The following NEB variants were observed in gnomAD, a reference collection of about 807,000 sequenced individuals.
The protein encoded by NEB is nebulin, also known as nemaline myopathy type 2.
Under a neutral mutation model 952.2 loss-of-function variants are expected in NEB, and 512 were observed. The ratio of observed to expected loss-of-function variants is 0.54; its 90% CI spans 0.50 to 0.58. NEB has a LOEUF of 0.58. NEB is among the 20% of genes least tolerant of loss of function. The probability of loss-of-function intolerance (pLI) is 0.00; values close to 1 mark genes in which losing one functional copy is unlikely to be tolerated. For synonymous variants in NEB, 2,900 were observed against 3,149.8 expected (o/e 0.92, Z 2.66); for missense variants, 8,428 against 9,231.1 (o/e 0.91, Z 3.56).
chr2:151,563,509 C>T (rs1166341725), intron 119 of NEB, 97 bp downstream of exon 119: 7 of 1,048,230 alleles, frequency 6.7e-6, no homozygotes, highest in Non-Finnish European at 1.0e-5. Flanking sequence ...TACTCCATTT[C>T]CCAGCTAACC....
At position 151,524,563 on chromosome 2, in the gene NEB, A is replaced by T; in HGVS notation, c.22326T>A (p.Asp7442Glu). 6.2e-7 allele frequency: 1 copy of T among 1,608,978 alleles called. No individual in the cohort carries two copies. The highest frequency in any genetic ancestry group is 8.5e-7 in the Non-Finnish European group (1 of 1,178,366). ...KENLHYTTVA[D>E]RPDIKKATQA... is the part of the protein sequence containing the mutation. ...GTGTGGCCTTCTTGATGTCTGGTCG[A>T]TCAGCCACTGTGGTGTAATGCAGGT... The change falls in exon 152 of 182, where the codon GAT (aspartate) becomes GAA (glutamate). Residue 7442 changes from aspartate (D) to glutamate (E), a missense_variant. Physicochemically the swap from Asp to Glu is conservative, Grantham distance 45. Transcript: ENST00000397345.
rs115761880 is a variant in NEB, at chr2:151,532,119, C to T, written c.21418-223G>A. On this transcript the variant is annotated intron_variant, in intron 143 of 181. Coordinates refer to ENST00000397345, the MANE Select transcript of NEB (RefSeq NM_001164508.2). ...TTCCTTTTTTTGTTTCCCTCCGAGA[C>T]GGAGTCTTACTCTGTCACCCAGGCT... 6.7e-3 allele frequency: 2,649 copies of T among 395,622 alleles called. 11 individuals carry two copies. The highest frequency in any genetic ancestry group is 9.7e-3 in the Non-Finnish European group (2,106 of 217,626). The allele number at this position is 395,622 out of a possible 1,614,324, so 24.5% of individuals were successfully genotyped here.
At chr2:151,701,720 A>G (rs1279410774) in intron 13 of NEB, among the ~76,000 whole-genome samples, 2 of 150,220 alleles carry the variant, frequency 1.3e-5, no homozygotes, top group Non-Finnish European at 3.0e-5. Flanking sequence ...TATCCCCTTT[A>G]TCATTTTTTA....
intron 29 of NEB, 32 bp from the exon 30 acceptor site, chr2:151,680,860 C>A (rs2099409138): frequency 2.0e-6 from 3 of 1,496,912 alleles, no homozygotes; most frequent in Non-Finnish European, 2.8e-6. Flanking sequence ...GAAAAACAAT[C>A]TTGTTTTCCA....
Position 151,643,318 on chromosome 2 carries a change from G to A in NEB, c.7992C>T (p.Gly2664=). The A allele has an allele frequency of 1.9e-6, 3 of 1,613,876 alleles. No homozygotes were observed. The highest frequency in any genetic ancestry group is 2.5e-6 in the Non-Finnish European group (3 of 1,179,838). The change falls in exon 58 of 182, where the codon GGC becomes GGT. Residue 2664 remains glycine (G), a synonymous_variant. Coordinates refer to ENST00000397345, the MANE Select transcript of NEB (RefSeq NM_001164508.2). ...LYKSDLQWLK[G]IGWMTSGSLE... Reference sequence around the variant, plus strand: ...GAGAACCACTAGTCATCCAGCCAATGCCTTTTAGCCACTGAAGGTCTGACT... The same window carrying A: ...GAGAACCACTAGTCATCCAGCCAATACCTTTTAGCCACTGAAGGTCTGACT...
At chr2:151,648,484 G>A (rs934236650) in intron 54 of NEB, among the ~76,000 whole-genome samples, 1 of 152,150 alleles carries the variant, frequency 6.6e-6, no homozygotes, top group African/African-American at 2.4e-5. Context: ...GGGGGCACAA[G>A]AGCAATTGCA....
intron 131 of NEB, among the ~76,000 whole-genome samples, chr2:151,547,995 A>G: frequency 6.6e-6 from 1 of 152,168 alleles, no homozygotes; most frequent in East Asian, 1.9e-4. Flanking sequence ...TTGGTGTAGA[A>G]AACCAGGATC....
intron 133 of NEB, among the ~76,000 whole-genome samples, chr2:151,546,981 T>C (rs894197148): frequency 6.6e-6 from 1 of 152,106 alleles, no homozygotes; most frequent in Non-Finnish European, 1.5e-5. Flanking sequence ...ATAACATTGA[T>C]TGGAGAAAAG....
intron 9 of NEB, among the ~76,000 whole-genome samples, chr2:151,721,351 G>A (rs987353249): frequency 6.6e-6 from 1 of 152,056 alleles, no homozygotes; most frequent in Admixed American, 6.6e-5. Flanking sequence ...AGGTCCTGCT[G>A]CCGGCATTCT....
At chr2:151,646,377 G>A in intron 54 of NEB, 143 bp from the exon 55 acceptor site, 2 of 670,702 alleles carry the variant, frequency 3.0e-6, no homozygotes, top group Non-Finnish European at 5.1e-6. Flanking sequence ...GCAGAAAATA[G>A]ATGCAATATT....
intron 179 of NEB, 60 bp from the exon 180 acceptor site, chr2:151,490,578 C>CT: frequency 6.4e-7 from 1 of 1,554,732 alleles, no homozygotes. Flanking sequence ...GTAGTAATGC[C>CT]TAACAGTGAT....
rs148706867 is a variant in NEB at position 151,615,442 on chromosome 2, C to T, written c.11289+560G>A. On this transcript the variant is annotated intron_variant, in intron 76 of 181. Coordinates refer to ENST00000397345, the MANE Select transcript of NEB (RefSeq NM_001164508.2). ...AGAAAAGGAGTAGAGAAGAGGCAAGCGGGTACTGAGAAAAAGCTCTGCTTA... is the reference window on the plus strand; with the variant it reads ...AGAAAAGGAGTAGAGAAGAGGCAAGTGGGTACTGAGAAAAAGCTCTGCTTA... 1.2e-3 allele frequency among the ~76,000 whole-genome samples: 179 copies of T among 152,244 alleles called. 1 individual carries two copies. The South Asian group carries it at 0.029, about 24-fold the overall frequency.
At chr2:151,691,286 CCT>C (rs1402663845) in intron 23 of NEB, among the ~76,000 whole-genome samples, 1 of 152,218 alleles carries the variant, frequency 6.6e-6, no homozygotes, top group East Asian at 1.9e-4. Flanking sequence ...CTGCTGTTCC[CCT>C]GACCTTGGCC....
chr2:151,500,340 A>G (rs2063477454), intron 168 of NEB, among the ~76,000 whole-genome samples: 1 of 152,046 alleles, frequency 6.6e-6, no homozygotes, highest in South Asian at 2.1e-4. Flanking sequence ...ATCCATCTAA[A>G]TTTTCCTAAT....
At chr2:151,550,610 A>C (rs2095260840) in intron 129 of NEB, among the ~76,000 whole-genome samples, 1 of 152,132 alleles carries the variant, frequency 6.6e-6, no homozygotes, top group African/African-American at 2.4e-5. Context: ...AGGATTAAGA[A>C]TTACATTTAA....
intron 39 of NEB, 134 bp downstream of exon 39, chr2:151,668,893 A>G (rs940520768): frequency 3.3e-6 from 2 of 610,454 alleles, no homozygotes; most frequent in Admixed American, 3.2e-5. Context: ...CTCATGTTGC[A>G]TGGTTAAGGG....
At position 151,689,738 on chromosome 2, in the gene NEB, G is replaced by A. The variant is rs527693892; in HGVS notation, c.2310+989C>T. Reference sequence around the variant, plus strand: ...AGTGACTGTGACCACATACAGCACTGTATTTCTCTGCAGCTTGCTGAGTTC... The same window carrying A: ...AGTGACTGTGACCACATACAGCACTATATTTCTCTGCAGCTTGCTGAGTTC... On this transcript the variant is annotated intron_variant, in intron 24 of 181. Coordinates refer to ENST00000397345, the MANE Select transcript of NEB (RefSeq NM_001164508.2). 186 of 152,260 alleles carry A rather than the reference G, an allele frequency of 1.2e-3. 2 individuals carry two copies. Among genetic ancestry groups the A allele is most frequent in the African/African-American group, 3.9e-3 (164 of 41,532 alleles). 9.4% of individuals were successfully genotyped at this position (152,260 alleles called of 1,614,324 possible). A position where few individuals can be genotyped will look rare whatever the true frequency, so the allele number is the denominator to read the frequency against.
At chr2:151,525,073 G>C in intron 151 of NEB, 90 bp downstream of exon 151, 1 of 962,174 alleles carries the variant, frequency 1.0e-6, no homozygotes. Flanking sequence ...AGAGGAATTA[G>C]AGTGACCACA....
At position 151,546,013 on chromosome 2, in the gene NEB, A is replaced by AAC. The variant is rs1334735748; in HGVS notation, c.20467-16_20467-15insGT. On this transcript the variant is annotated splice_polypyrimidine_tract_variant and intron_variant, in intron 134 of 181. Coordinates refer to ENST00000397345, the MANE Select transcript of NEB (RefSeq NM_001164508.2). ...AGGTAATTAGACTTAAAAAAAAAAA[A>AAC]AAAAACAGAAATACAAGTTGATTAA... 2.8e-6 allele frequency: 4 copies of AAC among 1,417,184 alleles called. No individual in the cohort carries two copies. The highest frequency in any genetic ancestry group is 1.4e-5 in the African/African-American group (1 of 70,144). 87.8% of individuals were successfully genotyped at this position (1,417,184 alleles called of 1,614,324 possible).
Sources: gnomAD v4.1 joint callset for allele counts (sites outside exome capture counted in the v4.1 genomes callset) on GRCh38, gnomAD v4.1.1 for gene constraint, MANE v1.5 for transcripts, NCBI Gene and HGNC (gene_info 2026-07-23, HGNC 2026-07-21) for gene names.